The following SCUBE1 variants were observed in gnomAD, a reference collection of about 807,000 sequenced individuals.
SCUBE1 encodes signal peptide, CUB and EGF-like domain-containing protein 1.
SCUBE1 carries 59 observed loss-of-function variants against 124.4 expected under a neutral mutation model. The observed-to-expected ratio is 0.47, with a 90% confidence interval of 0.38 to 0.59. The LOEUF (loss-of-function observed/expected upper bound fraction) is 0.59, where lower values mean the gene tolerates loss of function less well. Ranked by LOEUF, SCUBE1 falls within the 20% of genes least tolerant of loss-of-function variation. SCUBE1 has a pLI of 0.00. For missense variants in SCUBE1, 1,150 were observed against 1,371.2 expected (o/e 0.84, Z 2.55); for synonymous variants, 545 against 550.9 (o/e 0.99, Z 0.15).
intron 6 of SCUBE1, among the ~76,000 whole-genome samples, chr22:43,253,735 A>G (rs539976799): frequency 8.2e-6 from 1 of 121,254 alleles, no homozygotes; most frequent in African/African-American, 5.2e-5. Flanking sequence ...TGCACCACCC[A>G]TTTACGTGAT....
Position 43,210,473 on chromosome 22 carries a change from G to T in SCUBE1, c.2384-233C>A, listed in dbSNP as rs183568870. 7.7e-6 allele frequency among the ~76,000 whole-genome samples: 1 copy of T among 130,618 alleles called. No individual in the cohort carries two copies. The highest frequency in any genetic ancestry group is 1.6e-5 in the Non-Finnish European group (1 of 63,604). The allele number at this position is 130,618 out of a possible 152,430, so 85.7% of individuals were successfully genotyped here. A position where few individuals can be genotyped will look rare whatever the true frequency, so the allele number is the denominator to read the frequency against. On this transcript the variant is annotated intron_variant, in intron 18 of 21. Transcript: ENST00000360835. This position sits in a 1 kb window ranked among gnomAD's most constrained non-coding sequence, Gnocchi z 4.5. Reference sequence around the variant, plus strand: ...CCTGTGGTTCCCTGAGGCCCAGCCTGGGGGCTTCTTCTTACTGGGCTGCCA... The same window carrying T: ...CCTGTGGTTCCCTGAGGCCCAGCCTTGGGGCTTCTTCTTACTGGGCTGCCA...
chr22:43,214,184 T>C lies in SCUBE1; in HGVS notation c.1959A>G (p.Thr653=), dbSNP rs1483397475. 1 of 1,613,178 alleles carries C rather than the reference T, an allele frequency of 6.2e-7. No homozygotes were observed. Among genetic ancestry groups the C allele is most frequent in the Non-Finnish European group, 8.5e-7 (1 of 1,179,958 alleles). ...LGQCVSCMPG[T]YQDMEGQLSC... ...TGAGCTGGCCTTCCATGTCCTGGTA[T>C]GTTCCTGGCATACATGACACACACT... Residue 653 remains threonine, a synonymous_variant, in exon 16 of 22, where the codon ACA becomes ACG. Transcript: ENST00000360835.
In SCUBE1 at chr22:43,262,728, T is replaced by A. The variant is rs1391545024; in HGVS notation, c.602A>T (p.Asp201Val). 1 of 1,614,066 alleles carries A rather than the reference T, an allele frequency of 6.2e-7. No homozygotes were observed. The highest frequency in any genetic ancestry group is 1.7e-5 in the Admixed American group (1 of 60,020). ...PGFDLAQNQK[D>V]CTLTCNYGNG... ...TGTCTCCCTCTACCTACGTGTGCAG[T>A]CCTTCTGGTTTTGGGCAAGGTCAAA... The change falls in exon 5 of 22, where the codon GAC becomes GTC. Residue 201 changes from aspartate to valine, a missense_variant. Asp to Val is a radical substitution (Grantham distance 152). This residue lies in a region of SCUBE1 where 337 missense variants were observed against 482.1 expected (regional missense o/e 0.70). Coordinates refer to ENST00000360835, the MANE Select transcript of SCUBE1 (RefSeq NM_173050.5).
At chr22:43,231,252 C>T (rs111585468) in intron 8 of SCUBE1, among the ~76,000 whole-genome samples, 4 of 152,344 alleles carry the variant, frequency 2.6e-5, no homozygotes, top group African/African-American at 9.6e-5. Context: ...TCCCTGACCC[C>T]GCTCTGCACT....
At chr22:43,319,888 G>T (rs1366083806) in intron 3 of SCUBE1, 49 bp downstream of exon 3, 3 of 1,600,934 alleles carry the variant, frequency 1.9e-6, no homozygotes, top group Non-Finnish European at 2.6e-6. Context: ...CTGGAGCAAA[G>T]CAACAGGCAG....
intron 4 of SCUBE1, among the ~76,000 whole-genome samples, chr22:43,272,785 G>A (rs1924342161): frequency 6.6e-6 from 1 of 152,216 alleles, no homozygotes; most frequent in African/African-American, 2.4e-5. Context: ...AAACCAGAAT[G>A]GATTGGTTTT....
chr22:43,286,085 G>A (rs1925129735), intron 4 of SCUBE1, among the ~76,000 whole-genome samples: 1 of 152,198 alleles, frequency 6.6e-6, no homozygotes, highest in African/African-American at 2.4e-5. Flanking sequence ...GGCTTGTTGT[G>A]GGGCCCTGGG....
intron 3 of SCUBE1, among the ~76,000 whole-genome samples, chr22:43,308,146 G>A (rs933984928): frequency 3.9e-5 from 6 of 152,230 alleles, no homozygotes; most frequent in African/African-American, 9.6e-5. Context: ...AGAAGGAAGC[G>A]AGTCTATAAA....
chr22:43,225,000 C>T (rs529178783), intron 10 of SCUBE1, among the ~76,000 whole-genome samples: 1 of 152,202 alleles, frequency 6.6e-6, no homozygotes, highest in Non-Finnish European at 1.5e-5. Flanking sequence ...GTGGGAACTT[C>T]TGACACATCA....
chr22:43,239,089 T>C, intron 6 of SCUBE1, 135 bp from the exon 7 acceptor site: 2 of 668,934 alleles, frequency 3.0e-6, no homozygotes, highest in Non-Finnish European at 5.3e-6. Flanking sequence ...ACTCTCTGGC[T>C]GTGGGACTCT....
At chr22:43,299,241 C>T (rs1399066331) in intron 3 of SCUBE1, among the ~76,000 whole-genome samples, 1 of 152,172 alleles carries the variant, frequency 6.6e-6, no homozygotes, top group East Asian at 1.9e-4. Flanking sequence ...CTGGCACACA[C>T]AGACCACCAC....
chr22:43,333,612 A>G (rs558298179), intron 2 of SCUBE1, among the ~76,000 whole-genome samples: 1 of 152,344 alleles, frequency 6.6e-6, no homozygotes, highest in Admixed American at 6.5e-5. Flanking sequence ...CGGGTTGTGA[A>G]AATGATAGAG....
chr22:43,211,022 G>C lies in SCUBE1; in HGVS notation c.2283C>G (p.Val761=). The C allele has an allele frequency of 1.2e-6, 2 of 1,614,124 alleles. No homozygotes were observed. Among genetic ancestry groups the C allele is most frequent in the Non-Finnish European group, 8.5e-7 (1 of 1,180,026 alleles). ...TTTHRCIRCP[V]GTYQPEFGQN... Reference sequence around the variant, plus strand: ...GGCCAAACTCGGGCTGGTAGGTGCCGACGGGGCAGCGGATGCAGCGGTGGG... The same window carrying C: ...GGCCAAACTCGGGCTGGTAGGTGCCCACGGGGCAGCGGATGCAGCGGTGGG... Residue 761 remains valine (V), a synonymous_variant, in exon 18 of 22, where the codon GTC becomes GTG. Coordinates refer to ENST00000360835, the MANE Select transcript of SCUBE1 (RefSeq NM_173050.5). The surrounding 1 kb of genome is among the most constrained non-coding windows in gnomAD (Gnocchi z 4.5).
intron 6 of SCUBE1, among the ~76,000 whole-genome samples, chr22:43,252,461 A>G (rs1254353980): frequency 6.6e-6 from 1 of 152,222 alleles, no homozygotes; most frequent in Non-Finnish European, 1.5e-5. Context: ...GGAGCTGGCC[A>G]GTGCTGCAGT....
At chr22:43,230,840 C>A (rs1275942922) in intron 8 of SCUBE1, among the ~76,000 whole-genome samples, 1 of 152,176 alleles carries the variant, frequency 6.6e-6, no homozygotes, top group African/African-American at 2.4e-5. Context: ...GGAGAACAGC[C>A]CTCGCTCCTC....
At chr22:43,317,178 T>C (rs925412542) in intron 3 of SCUBE1, 1 of 152,220 alleles carries the variant, frequency 6.6e-6, no homozygotes, top group Non-Finnish European at 1.5e-5. Flanking sequence ...TGGATTCTCA[T>C]GGTAAAAAAC....
Position 43,198,388 on chromosome 22 carries a change from G to C in SCUBE1, c.*5609C>G, listed in dbSNP as rs750320597. The C allele has an allele frequency of 2.1e-4, 80 of 372,280 alleles. 1 individual carries two copies. In the Middle Eastern group the frequency reaches 7.9e-3, roughly 37 times the overall value. 23.1% of individuals were successfully genotyped at this position (372,280 alleles called of 1,614,324 possible). A position where few individuals can be genotyped will look rare whatever the true frequency, so the allele number is the denominator to read the frequency against. On this transcript the variant is annotated 3_prime_UTR_variant, in exon 22 of 22. Transcript: ENST00000360835. ...ATGCCTGTGTTGTCTGGGCTTCAAGGATGCTTTGCCCACACCTGATGTCCT... is the reference window on the plus strand; with the variant it reads ...ATGCCTGTGTTGTCTGGGCTTCAAGCATGCTTTGCCCACACCTGATGTCCT...
intron 4 of SCUBE1, among the ~76,000 whole-genome samples, chr22:43,263,570 G>A (rs373724910): frequency 6.6e-6 from 1 of 152,274 alleles, no homozygotes; most frequent in Admixed American, 6.5e-5. Context: ...TCCTTCCCCC[G>A]GGACACACCG....
chr22:43,269,065 C>T (rs1379058074), intron 4 of SCUBE1, among the ~76,000 whole-genome samples: 1 of 152,118 alleles, frequency 6.6e-6, no homozygotes, highest in Non-Finnish European at 1.5e-5. Flanking sequence ...TTCACTTGGA[C>T]CCTCACAACA....
Sources: allele counts gnomAD v4.1 joint callset (sites outside exome capture counted in the v4.1 genomes callset), GRCh38; gene constraint gnomAD v4.1.1; regional missense constraint gnomAD v4.1.1; non-coding constraint Gnocchi (gnomAD v3.1); transcripts MANE v1.5; gene names NCBI Gene and HGNC (gene_info 2026-07-23, HGNC 2026-07-21).